Variants in ZNF507 observed in about 807,000 individuals in gnomAD.
ZNF507 encodes the protein zinc finger protein 507.
In ZNF507, 29 loss-of-function variants were observed where a neutral mutation model predicts 80.0. That is an observed-to-expected ratio of 0.36 (90% CI 0.27 to 0.49). The LOEUF (loss-of-function observed/expected upper bound fraction) is 0.49, where lower values mean the gene tolerates loss of function less well. Ranked by LOEUF, ZNF507 falls within the 20% of genes least tolerant of loss-of-function variation. The pLI, the probability that ZNF507 is intolerant of heterozygous loss-of-function variation, is 0.98. For missense variants in ZNF507, 1,081 were observed against 1,152.2 expected (o/e 0.94, Z 0.90); for synonymous variants, 462 against 422.5 (o/e 1.09, Z -1.15).
intron 3 of ZNF507, among the ~76,000 whole-genome samples, chr19:32,355,577 G>A (rs1454712947): frequency 1.3e-5 from 2 of 152,154 alleles, no homozygotes; most frequent in African/African-American, 4.8e-5. Flanking sequence ...CCAATATCCT[G>A]TATGAAGTGC....
chr19:32,370,793 C>CA lies in ZNF507; in HGVS notation c.2360+10181dup, dbSNP rs1255645738. 3.3e-5 allele frequency among the ~76,000 whole-genome samples: 5 copies of CA among 152,166 alleles called. 1 individual carries two copies. The highest frequency in any genetic ancestry group is 1.2e-4 in the African/African-American group (5 of 41,502). Reference sequence around the variant, plus strand: ...TAGCCTGAGCTTTTGGTATCATAACCAAAAAATCATTGCCACTGCAGCGAG... The same window carrying CA: ...TAGCCTGAGCTTTTGGTATCATAACCAAAAAAATCATTGCCACTGCAGCGAG... On this transcript the variant is annotated intron_variant, in intron 5 of 6. Transcript: ENST00000355898.
At chr19:32,351,535 G>GGGGCGGGGGGC (rs901951859) in intron 2 of ZNF507, among the ~76,000 whole-genome samples, 1 of 75,610 alleles carries the variant, frequency 1.3e-5, no homozygotes, top group Non-Finnish European at 2.6e-5. Context: ...CGTGGGGGCG[G>GGGGCGGGGGGC]GCGGGGCCTG....
intron 2 of ZNF507, among the ~76,000 whole-genome samples, chr19:32,349,358 C>T (rs1002085910): frequency 5.3e-5 from 8 of 152,092 alleles, no homozygotes; most frequent in Admixed American, 5.2e-4. Context: ...TGATGTCTGG[C>T]ATGCTGCCCA....
rs1003354167 is a variant in ZNF507, at chr19:32,384,119, A to G, written c.*1036A>G. The G allele has an allele frequency of 2.0e-5, 3 of 152,264 alleles. No homozygotes were observed. Among genetic ancestry groups the G allele is most frequent in the Non-Finnish European group, 4.4e-5 (3 of 68,052 alleles). 9.4% of individuals were successfully genotyped at this position (152,264 alleles called of 1,614,324 possible). ...TTTCCTGGGGTATATTAATTTAGTT[A>G]TATTTAGCAGAAGAGGAATATAACC... On this transcript the variant is annotated 3_prime_UTR_variant, in exon 7 of 7. Coordinates refer to ENST00000355898, the MANE Select transcript of ZNF507 (RefSeq NM_001136156.2).
At chr19:32,370,198 G>T (rs1167649640) in intron 5 of ZNF507, among the ~76,000 whole-genome samples, 1 of 152,220 alleles carries the variant, frequency 6.6e-6, no homozygotes, top group Non-Finnish European at 1.5e-5. Context: ...TTTTTGTGAG[G>T]AATGCTGCAC....
rs1967697286 is a variant in ZNF507 at position 32,386,892 on chromosome 19, C to T, written c.*3809C>T. On this transcript the variant is annotated 3_prime_UTR_variant, in exon 7 of 7. Coordinates refer to ENST00000355898, the MANE Select transcript of ZNF507 (RefSeq NM_001136156.2). The stretch of plus-strand genomic sequence containing the variant: ...CTATTAACCACAGGTTGTGTTCATT[C>T]TTTTCCTGGAAATGATGACTTTATT... 1 of 152,460 alleles carries T rather than the reference C, an allele frequency of 6.6e-6. No individual in the cohort carries two copies. The highest frequency in any genetic ancestry group is 2.4e-5 in the African/African-American group (1 of 41,414). The allele number at this position is 152,460 out of a possible 1,614,324, so 9.4% of individuals were successfully genotyped here.
intron 5 of ZNF507, among the ~76,000 whole-genome samples, chr19:32,370,217 G>T (rs1218603459): frequency 6.6e-6 from 1 of 152,244 alleles, no homozygotes; most frequent in Admixed American, 6.5e-5. Flanking sequence ...ACTGAACATG[G>T]AAAGGCAGAT....
At chr19:32,361,037 C>G (rs1288084027) in intron 5 of ZNF507, among the ~76,000 whole-genome samples, 1 of 152,154 alleles carries the variant, frequency 6.6e-6, no homozygotes, top group East Asian at 1.9e-4. Flanking sequence ...TTGTCTTTAT[C>G]TGTCAATTTT....
At chr19:32,381,948 CTT>C (rs1194334604) in intron 5 of ZNF507, 1 of 152,162 alleles carries the variant, frequency 6.6e-6, no homozygotes, top group Non-Finnish European at 1.5e-5. Context: ...CTAATAGAAA[CTT>C]TTTAAGATTA....
chr19:32,354,815 T>A lies in ZNF507; in HGVS notation c.1985T>A (p.Val662Asp). 1 of 1,613,946 alleles carries A rather than the reference T, an allele frequency of 6.2e-7. No individual in the cohort carries two copies. Among genetic ancestry groups the A allele is most frequent in the Non-Finnish European group, 8.5e-7 (1 of 1,180,004 alleles). Residue 662 changes from valine (V) to aspartate (D), a missense_variant, in exon 3 of 7, where the codon GTC becomes GAC. Around this residue, in one of 6 missense-constraint regions of ZNF507, gnomAD observed 614 missense variants for 583.9 expected, o/e 1.05. Coordinates refer to ENST00000355898, the MANE Select transcript of ZNF507 (RefSeq NM_001136156.2). ...GGCTACATCAAGCAGCACTTACGAG[T>A]CCATCGACAGAGACAGCCTTATCAG... ...NKGYIKQHLRVHRQRQPYQCP... is the reference protein window; with the variant it reads ...NKGYIKQHLRDHRQRQPYQCP...
At chr19:32,369,004 C>T (rs1267239588) in intron 5 of ZNF507, among the ~76,000 whole-genome samples, 1 of 152,202 alleles carries the variant, frequency 6.6e-6, no homozygotes, top group East Asian at 1.9e-4. Context: ...AAACCAACAT[C>T]CTTATCTCCT....
chr19:32,377,383 G>A (rs766607873), intron 5 of ZNF507, among the ~76,000 whole-genome samples: 3 of 151,982 alleles, frequency 2.0e-5, no homozygotes, highest in Non-Finnish European at 2.9e-5. Flanking sequence ...TGTCCCTTCC[G>A]CTCCTATCTC....
intron 5 of ZNF507, among the ~76,000 whole-genome samples, chr19:32,377,499 AATC>A (rs1461221362): frequency 6.6e-6 from 1 of 152,234 alleles, no homozygotes; most frequent in Non-Finnish European, 1.5e-5. Flanking sequence ...ATTCATATAT[AATC>A]ATATCTATGA....
At chr19:32,352,717 G>GC in intron 2 of ZNF507, 112 bp from the exon 3 acceptor site, 1 of 950,900 alleles carries the variant, frequency 1.1e-6, no homozygotes, top group Non-Finnish European at 1.5e-6. Flanking sequence ...TTCCAGCTTA[G>GC]AAAATACTTA....
intron 5 of ZNF507, among the ~76,000 whole-genome samples, chr19:32,364,906 G>C (rs998755134): frequency 3.3e-5 from 5 of 152,134 alleles, no homozygotes; most frequent in Non-Finnish European, 7.4e-5. Flanking sequence ...TTCCATAGTG[G>C]CTGTACTAGT....
In ZNF507 at chr19:32,354,472, A is replaced by C. The variant is rs1180398685; in HGVS notation, c.1642A>C (p.Lys548Gln). Reference sequence around the variant, plus strand: ...GTACTCAAAAATGATGTCGCCACTTAAAAACTCTTCAGATGGATTAACTAG... The same window carrying C: ...GTACTCAAAAATGATGTCGCCACTTCAAAACTCTTCAGATGGATTAACTAG... ...AAYSKMMSPL[K>Q]NSSDGLTSLN... The change falls in exon 3 of 7, where the codon AAA becomes CAA. Residue 548 changes from lysine (K) to glutamine (Q), a missense_variant. Lys to Gln is a moderately conservative substitution (Grantham distance 53). Coordinates refer to ENST00000355898, the MANE Select transcript of ZNF507 (RefSeq NM_001136156.2). The C allele has an allele frequency of 6.2e-7, 1 of 1,614,220 alleles. No homozygotes were observed. The highest frequency in any genetic ancestry group is 1.7e-5 in the Admixed American group (1 of 60,030).
chr19:32,381,512 A>G (rs1177344698), intron 5 of ZNF507, among the ~76,000 whole-genome samples: 3 of 152,030 alleles, frequency 2.0e-5, no homozygotes, highest in Non-Finnish European at 4.4e-5. Flanking sequence ...AGGCATGAGA[A>G]TCGCTTGAAC....
intron 2 of ZNF507, among the ~76,000 whole-genome samples, chr19:32,350,968 T>G (rs1236433016): frequency 6.6e-6 from 1 of 152,172 alleles, no homozygotes; most frequent in Non-Finnish European, 1.5e-5. Context: ...ACAAAAGGGT[T>G]TTTCTAAGGA....
chr19:32,384,596 A>C lies in ZNF507; in HGVS notation c.*1513A>C, dbSNP rs1010473847. 1 of 152,188 alleles carries C rather than the reference A, an allele frequency of 6.6e-6. No individual in the cohort carries two copies. The highest frequency in any genetic ancestry group is 2.4e-5 in the African/African-American group (1 of 41,438). The allele number at this position is 152,188 out of a possible 1,614,324, so 9.4% of individuals were successfully genotyped here. A position where few individuals can be genotyped will look rare whatever the true frequency, so the allele number is the denominator to read the frequency against. On this transcript the variant is annotated 3_prime_UTR_variant, in exon 7 of 7. Coordinates refer to ENST00000355898, the MANE Select transcript of ZNF507 (RefSeq NM_001136156.2). ...TTTTCGAATGGGATACGCTGTAGGCACGTTTTAAGAAGTATTCTGTTCCTA... is the reference window on the plus strand; with the variant it reads ...TTTTCGAATGGGATACGCTGTAGGCCCGTTTTAAGAAGTATTCTGTTCCTA...
Sources: allele counts gnomAD v4.1 joint callset (sites outside exome capture counted in the v4.1 genomes callset), GRCh38; gene constraint gnomAD v4.1.1; regional missense constraint gnomAD v4.1.1; transcripts MANE v1.5; gene names NCBI Gene and HGNC (gene_info 2026-07-23, HGNC 2026-07-21).